The following PCNX2 variants were observed in gnomAD, a reference collection of about 807,000 sequenced individuals.
PCNX2 encodes pecanex-like protein 2.
In PCNX2, 168 loss-of-function variants were observed where a neutral mutation model predicts 223.8. The ratio of observed to expected loss-of-function variants is 0.75; its 90% CI spans 0.66 to 0.85. The LOEUF (loss-of-function observed/expected upper bound fraction) is 0.85, where lower values mean the gene tolerates loss of function less well. Ranked by LOEUF, PCNX2 falls within the 40% of genes least tolerant of loss-of-function variation. The pLI, the probability that PCNX2 is intolerant of heterozygous loss-of-function variation, is 0.00. For missense variants in PCNX2, 2,507 were observed against 2,675.5 expected (o/e 0.94, Z 1.39); for synonymous variants, 1,006 against 1,052.6 (o/e 0.96, Z 0.86).
intron 21 of PCNX2, among the ~76,000 whole-genome samples, chr1:233,107,015 C>T (rs1193155100): frequency 6.6e-6 from 1 of 151,802 alleles, no homozygotes; most frequent in African/African-American, 2.4e-5. Flanking sequence ...CTCTTTAAAA[C>T]AAAATATAAT....
intron 21 of PCNX2, among the ~76,000 whole-genome samples, chr1:233,118,823 GC>G (rs1675581822): frequency 6.6e-6 from 1 of 152,120 alleles, no homozygotes; most frequent in East Asian, 1.9e-4. Context: ...TAAAATCTCA[GC>G]AAGTATGTTT....
chr1:233,015,982 C>A (rs1670643117), intron 27 of PCNX2, among the ~76,000 whole-genome samples: 1 of 152,090 alleles, frequency 6.6e-6, no homozygotes, highest in Admixed American at 6.6e-5. Context: ...TAAAATAATT[C>A]CATGAACCAT....
intron 23 of PCNX2, among the ~76,000 whole-genome samples, chr1:233,059,348 C>T (rs1410323005): frequency 6.6e-6 from 1 of 152,164 alleles, no homozygotes. Context: ...TGTCATGTGC[C>T]TGTTCTAAGT....
chr1:233,014,845 T>C (rs2102816973), intron 27 of PCNX2, 68 bp from the exon 28 acceptor site: 1 of 1,286,824 alleles, frequency 7.8e-7, no homozygotes, highest in Non-Finnish European at 1.1e-6. Context: ...CAGGCATAAA[T>C]GTAGAGTGAC....
At chr1:233,224,004 A>G (rs1657548671) in intron 10 of PCNX2, among the ~76,000 whole-genome samples, 1 of 152,016 alleles carries the variant, frequency 6.6e-6, no homozygotes, top group African/African-American at 2.4e-5. Context: ...CCTTCATGGC[A>G]CCTATTACAG....
intron 21 of PCNX2, among the ~76,000 whole-genome samples, chr1:233,117,596 G>A (rs574167261): frequency 6.2e-4 from 85 of 136,796 alleles, no homozygotes; most frequent in Non-Finnish European, 1.1e-3. Context: ...GTGAGACTCC[G>A]TCTAAAGAAA....
chr1:233,135,087 A>G lies in PCNX2; in HGVS notation c.3763T>C (p.Phe1255Leu). The G allele has an allele frequency of 6.2e-7, 1 of 1,613,098 alleles. No homozygotes were observed. The highest frequency in any genetic ancestry group is 8.5e-7 in the Non-Finnish European group (1 of 1,179,018). Residue 1255 changes from phenylalanine (F) to leucine (L), a missense_variant, in exon 21 of 34, where the codon TTC (phenylalanine) becomes CTC (leucine). Phe to Leu is a conservative substitution (Grantham distance 22). Transcript: ENST00000258229. ...FINLSFTVIF[F>L]HFDYKDISES... ...GAAATATCTTTGTAGTCAAAGTGGA[A>G]AAAGATGACAGTGAAGCTCAAGTTA...
intron 23 of PCNX2, among the ~76,000 whole-genome samples, chr1:233,064,007 A>C (rs901186300): frequency 6.6e-6 from 1 of 151,414 alleles, no homozygotes; most frequent in Non-Finnish European, 1.5e-5. Context: ...TTGGCCTTTT[A>C]GTTTTATTTC....
intron 17 of PCNX2, among the ~76,000 whole-genome samples, chr1:233,173,391 C>A (rs555288420): frequency 2.0e-5 from 3 of 152,298 alleles, no homozygotes; most frequent in Admixed American, 6.5e-5. Flanking sequence ...GTTTCGAACT[C>A]CTGACCTCAG....
chr1:233,115,877 A>G (rs1378129336), intron 21 of PCNX2, among the ~76,000 whole-genome samples: 3 of 152,322 alleles, frequency 2.0e-5, no homozygotes, highest in East Asian at 1.9e-4. Flanking sequence ...GCAGAATGGA[A>G]TAACAACCAT....
the PCNX2 span, among the ~76,000 whole-genome samples, chr1:233,301,087 CT>C: frequency 6.6e-6 from 1 of 152,184 alleles, no homozygotes; most frequent in Non-Finnish European, 1.5e-5. Context: ...GTAATACTAG[CT>C]GCTAATCCTC....
intron 17 of PCNX2, among the ~76,000 whole-genome samples, chr1:233,162,186 G>T (rs2102824308): frequency 6.6e-6 from 1 of 152,052 alleles, no homozygotes; most frequent in Middle Eastern, 3.4e-3. Flanking sequence ...GATGGAGAAT[G>T]GCCTGTTAGC....
the PCNX2 span, among the ~76,000 whole-genome samples, chr1:233,319,796 C>T: frequency 6.6e-6 from 1 of 152,146 alleles, no homozygotes; most frequent in South Asian, 2.1e-4. Context: ...AACTATCAAT[C>T]ACTTCTGTAT....
intron 9 of PCNX2, among the ~76,000 whole-genome samples, chr1:233,228,995 C>T (rs985632271): frequency 2.6e-5 from 4 of 152,090 alleles, no homozygotes; most frequent in African/African-American, 7.2e-5. Context: ...CAAAGAGCAG[C>T]GGTGGAGGTG....
intron 15 of PCNX2, among the ~76,000 whole-genome samples, chr1:233,188,402 A>G (rs547512132): frequency 6.6e-6 from 1 of 152,218 alleles, no homozygotes; most frequent in South Asian, 2.1e-4. Flanking sequence ...CTTCTAGGCC[A>G]GTAAGGGAGG....
At chr1:233,073,913 T>C (rs1210858434) in intron 23 of PCNX2, among the ~76,000 whole-genome samples, 1 of 152,190 alleles carries the variant, frequency 6.6e-6, no homozygotes, top group East Asian at 1.9e-4. Context: ...AACACCACCA[T>C]GTCTGGCCTT....
chr1:233,280,225 G>C (rs1459464668), intron 1 of PCNX2, among the ~76,000 whole-genome samples: 2 of 151,576 alleles, frequency 1.3e-5, no homozygotes, highest in East Asian at 3.9e-4. Flanking sequence ...TAGTGCTTCA[G>C]TGACTCACTT....
intron 21 of PCNX2, among the ~76,000 whole-genome samples, chr1:233,125,261 T>C (rs562641283): frequency 1.6e-4 from 25 of 152,252 alleles, no homozygotes; most frequent in Non-Finnish European, 3.1e-4. Context: ...CTTTCTATTA[T>C]ACCGTACTTA....
intron 21 of PCNX2, among the ~76,000 whole-genome samples, chr1:233,117,365 C>T (rs1008289535): frequency 1.3e-5 from 2 of 151,522 alleles, no homozygotes; most frequent in African/African-American, 4.9e-5. Flanking sequence ...GGCGCGGTTG[C>T]TCACGCCTGT....
Sources: allele counts gnomAD v4.1 joint callset (sites outside exome capture counted in the v4.1 genomes callset), GRCh38; gene constraint gnomAD v4.1.1; transcripts MANE v1.5; gene names NCBI Gene and HGNC (gene_info 2026-07-23, HGNC 2026-07-21).